The following DPYD variants were observed in gnomAD, a reference collection of about 807,000 sequenced individuals.
DPYD encodes the protein dihydropyrimidine dehydrogenase [NADP(+)].
Under a neutral mutation model 116.2 loss-of-function variants are expected in DPYD, and 109 were observed. The observed-to-expected ratio is 0.94, with a 90% CI of 0.80 to 1.10. DPYD has a LOEUF of 1.10. DPYD is among the 50% of genes least tolerant of loss of function. The pLI is 0.00. For missense variants in DPYD, 1,302 were observed against 1,254.5 expected (o/e 1.04, Z -0.57); for synonymous variants, 440 against 432.0 (o/e 1.02, Z -0.23).
intron 20 of DPYD, among the ~76,000 whole-genome samples, chr1:97,178,547 G>GTAA: frequency 6.6e-6 from 1 of 152,096 alleles, no homozygotes; most frequent in African/African-American, 2.4e-5. Context: ...CAGCACAGAG[G>GTAA]AAACTGCCCC....
At chr1:97,120,968 G>A (rs1652383418) in intron 20 of DPYD, among the ~76,000 whole-genome samples, 1 of 152,146 alleles carries the variant, frequency 6.6e-6, no homozygotes, top group African/African-American at 2.4e-5. Context: ...TTAATCTCTG[G>A]GGAGAGTTCT....
At chr1:97,810,325 A>G (rs1668294789) in intron 3 of DPYD, among the ~76,000 whole-genome samples, 1 of 151,632 alleles carries the variant, frequency 6.6e-6, no homozygotes, top group East Asian at 1.9e-4. Flanking sequence ...AACGGGAAAT[A>G]AAAAGGGCAC....
At chr1:97,868,531 T>C (rs1671504901) in intron 2 of DPYD, among the ~76,000 whole-genome samples, 1 of 151,884 alleles carries the variant, frequency 6.6e-6, no homozygotes, top group African/African-American at 2.4e-5. Flanking sequence ...TTAGTGAGCA[T>C]TTACCATGTG....
At chr1:97,913,503 T>C (rs1046831828) in intron 1 of DPYD, among the ~76,000 whole-genome samples, 9 of 152,280 alleles carry the variant, frequency 5.9e-5, no homozygotes, top group East Asian at 3.9e-4. Context: ...AAGGGATCTA[T>C]GGCATAGAGC....
chr1:97,573,649 G>C, intron 11 of DPYD, 111 bp downstream of exon 11: 3 of 1,349,808 alleles, frequency 2.2e-6, no homozygotes, highest in Non-Finnish European at 3.1e-6. Flanking sequence ...TTCTTAACTA[G>C]AAGAGGAAAA....
At chr1:97,130,585 T>C (rs1653202319) in intron 20 of DPYD, among the ~76,000 whole-genome samples, 1 of 152,160 alleles carries the variant, frequency 6.6e-6, no homozygotes, top group Non-Finnish European at 1.5e-5. Context: ...ATACTAACTC[T>C]ATTCCATCTC....
intron 8 of DPYD, among the ~76,000 whole-genome samples, chr1:97,603,634 A>G (rs1386688515): frequency 6.6e-6 from 1 of 152,154 alleles, no homozygotes; most frequent in Admixed American, 6.6e-5. Flanking sequence ...TCACCAGTAA[A>G]TGTAACTCAC....
rs565319390 is a variant in DPYD, at chr1:97,450,965, A to G, written c.1741-742T>C. 3.9e-5 allele frequency among the ~76,000 whole-genome samples: 6 copies of G among 152,274 alleles called. No homozygotes were observed. The East Asian group carries it at 1.2e-3, about 29-fold the overall frequency. ...TAACATTCTTCCATTACTTAAAACT[A>G]AAAAGAAACAAAGAAGGAAAATGTT... On this transcript the variant is annotated intron_variant, in intron 13 of 22. Coordinates refer to ENST00000370192, the MANE Select transcript of DPYD (RefSeq NM_000110.4).
intron 8 of DPYD, among the ~76,000 whole-genome samples, chr1:97,664,608 G>A (rs1163601675): frequency 1.3e-5 from 2 of 151,832 alleles, no homozygotes; most frequent in Non-Finnish European, 2.9e-5. Context: ...CTTAGTCACT[G>A]CCTTATTTTG....
intron 20 of DPYD, among the ~76,000 whole-genome samples, chr1:97,175,933 A>T (rs1260794529): frequency 6.6e-6 from 1 of 152,188 alleles, no homozygotes; most frequent in Non-Finnish European, 1.5e-5. Context: ...CAGAAATAAG[A>T]TTTGATTTGA....
chr1:97,652,014 T>G (rs1348763171), intron 8 of DPYD, among the ~76,000 whole-genome samples: 1 of 147,818 alleles, frequency 6.8e-6, no homozygotes, highest in African/African-American at 2.5e-5. Flanking sequence ...CTGTAAAATC[T>G]TTCTCATTTT....
chr1:97,772,380 T>C (rs941131029), intron 3 of DPYD, among the ~76,000 whole-genome samples: 1 of 152,324 alleles, frequency 6.6e-6, no homozygotes, highest in East Asian at 1.9e-4. Context: ...ATCCAGCCTG[T>C]TCAGTTAACA....
At position 97,809,047 on chromosome 1, in the gene DPYD, A is replaced by C. The variant is rs138669598; in HGVS notation, c.233+19067T>G. On this transcript the variant is annotated intron_variant, in intron 3 of 22. Coordinates refer to ENST00000370192, the MANE Select transcript of DPYD (RefSeq NM_000110.4). Reference sequence around the variant, plus strand: ...TTCTAAAATATAAAGTCATGGAGGCAGTAGAGGGGATCAGGATCACATAGG... The same window carrying C: ...TTCTAAAATATAAAGTCATGGAGGCCGTAGAGGGGATCAGGATCACATAGG... Among the ~76,000 whole-genome samples, 759 of 152,302 alleles carry C rather than the reference A, an allele frequency of 5.0e-3. 7 individuals are homozygous for C. The highest frequency in any genetic ancestry group is 0.017 in the African/African-American group (702 of 41,554).
intron 16 of DPYD, among the ~76,000 whole-genome samples, chr1:97,344,399 T>C (rs187772836): frequency 6.6e-5 from 10 of 152,020 alleles, no homozygotes; most frequent in Non-Finnish European, 8.8e-5. Context: ...TGTTCATATA[T>C]AGACAATTGT....
chr1:97,777,315 C>A (rs1381386992), intron 3 of DPYD, among the ~76,000 whole-genome samples: 1 of 152,178 alleles, frequency 6.6e-6, no homozygotes, highest in Non-Finnish European at 1.5e-5. Flanking sequence ...ACTATCCATT[C>A]ACTTATGAGC....
At chr1:97,109,816 A>T (rs1012585244) in intron 20 of DPYD, among the ~76,000 whole-genome samples, 1 of 151,896 alleles carries the variant, frequency 6.6e-6, no homozygotes, top group Non-Finnish European at 1.5e-5. Context: ...CAGCAGATTT[A>T]TATTGGAAAG....
intron 20 of DPYD, among the ~76,000 whole-genome samples, chr1:97,175,777 T>C (rs1214959731): frequency 6.6e-6 from 1 of 152,198 alleles, no homozygotes; most frequent in Non-Finnish European, 1.5e-5. Flanking sequence ...TAGAATCAAG[T>C]GCATCTCTTA....
intron 16 of DPYD, among the ~76,000 whole-genome samples, chr1:97,310,387 G>A (rs1667433497): frequency 6.6e-6 from 1 of 151,690 alleles, no homozygotes; most frequent in African/African-American, 2.4e-5. Flanking sequence ...ATTGCTCCCT[G>A]AAGTGAAATT....
In DPYD at chr1:97,308,303, C is replaced by G. The variant is rs189100082; in HGVS notation, c.2059-2006G>C. Reference sequence around the variant, plus strand: ...ATCATCTGTCTCTATTTTGAGATACCATAATTTGACCCTCCATGAGTAAAT... The same window carrying G: ...ATCATCTGTCTCTATTTTGAGATACGATAATTTGACCCTCCATGAGTAAAT... On this transcript the variant is annotated intron_variant, in intron 16 of 22. Coordinates refer to ENST00000370192, the MANE Select transcript of DPYD (RefSeq NM_000110.4). 12 of 151,452 alleles carry G rather than the reference C, an allele frequency of 7.9e-5. No homozygotes were observed. The East Asian group carries it at 1.4e-3, about 17-fold the overall frequency. 9.4% of individuals were successfully genotyped at this position (151,452 alleles called of 1,614,324 possible).
Sources: allele counts gnomAD v4.1 joint callset (sites outside exome capture counted in the v4.1 genomes callset), GRCh38; gene constraint gnomAD v4.1.1; transcripts MANE v1.5; gene names NCBI Gene and HGNC (gene_info 2026-07-23, HGNC 2026-07-21).